INO80E: variants seen among roughly 807,000 people sequenced by gnomAD.
INO80E encodes the protein INO80 complex subunit E, also known as coiled-coil domain containing 95.
In INO80E, 20 loss-of-function variants were observed where a neutral mutation model predicts 27.3. The observed-to-expected ratio is 0.73, with a 90% CI of 0.51 to 1.06. The LOEUF (loss-of-function observed/expected upper bound fraction) is 1.06, where lower values mean the gene tolerates loss of function less well. INO80E is among the 50% of genes least tolerant of loss of function. The pLI, the probability that INO80E is intolerant of heterozygous loss-of-function variation, is 0.00. For missense variants in INO80E, 357 were observed against 322.8 expected, an observed-to-expected ratio of 1.11 and a Z score of -0.81; for synonymous variants, 167 against 145.9, an observed-to-expected ratio of 1.14 and a Z score of -1.04.
intron 6 of INO80E, chr16:30,002,576 G>A (rs2070390637): frequency 3.3e-5 from 5 of 152,498 alleles, no homozygotes; most frequent in Admixed American, 3.3e-4. Context: ...GGGAGTTCCT[G>A]GAGGACCTGG....
Position 30,005,315 on chromosome 16 carries a change from T to TCCCCCCCCCCCCCC in INO80E, c.611_612insCCCCCCCCCCCCCC (p.Lys207ProfsTer13). 1 of 302,356 alleles carries TCCCCCCCCCCCCCC rather than the reference T, an allele frequency of 3.3e-6. No homozygotes were observed. Among genetic ancestry groups the TCCCCCCCCCCCCCC allele is most frequent in the Non-Finnish European group, 4.8e-6 (1 of 210,512 alleles). 18.7% of individuals were successfully genotyped at this position (302,356 alleles called of 1,614,324 possible). A position where few individuals can be genotyped will look rare whatever the true frequency, so the allele number is the denominator to read the frequency against. On this transcript the variant is annotated frameshift_variant, in exon 7 of 7. Transcript: ENST00000563197. LOFTEE classifies it high-confidence loss of function. ...GGGGTCGGGACAACCCTGACCCCCCTCCCACCCCCTAAGATGCCCCCCCCC... is the reference window on the plus strand; with the variant it reads ...GGGGTCGGGACAACCCTGACCCCCCTCCCCCCCCCCCCCCCCCACCCCCTAAGATGCCCCCCCCC...
intron 5 of INO80E, 110 bp downstream of exon 5, chr16:30,001,150 G>A: frequency 6.8e-7 from 1 of 1,471,554 alleles, no homozygotes; most frequent in South Asian, 1.4e-5. Flanking sequence ...CATCTGTCTG[G>A]GTGTGGCCCA....
At position 30,005,596 on chromosome 16, in the gene INO80E, TC is replaced by T. The variant is rs2070550464; in HGVS notation, c.*159del. 2 of 749,482 alleles carry T rather than the reference TC, an allele frequency of 2.7e-6. No individual in the cohort carries two copies. Among genetic ancestry groups the T allele is most frequent in the East Asian group, 3.0e-5 (1 of 33,190 alleles). The allele number at this position is 749,482 out of a possible 1,614,324, so 46.4% of individuals were successfully genotyped here. On this transcript the variant is annotated 3_prime_UTR_variant, in exon 7 of 7. Coordinates refer to ENST00000563197, the MANE Select transcript of INO80E (RefSeq NM_173618.3). Reference sequence around the variant, plus strand: ...GAAAAGGCGTAAACATGCACGGGTGTCCCCCAGGAGGGTGGCAGGGGCCCTG... The same window carrying T: ...GAAAAGGCGTAAACATGCACGGGTGTCCCCAGGAGGGTGGCAGGGGCCCTG...
chr16:29,996,433 C>G (rs769386263), intron 1 of INO80E, 42 bp downstream of exon 1: 1 of 1,558,554 alleles, frequency 6.4e-7, no homozygotes, highest in Non-Finnish European at 8.7e-7. Context: ...TGAGGCCTGG[C>G]GCGGACAAGA....
chr16:30,001,278 C>G, intron 5 of INO80E, 136 bp from the exon 6 acceptor site: 1 of 1,491,798 alleles, frequency 6.7e-7, no homozygotes, highest in Non-Finnish European at 9.0e-7. Flanking sequence ...CCCGGCCCTT[C>G]TGTGCTCGGG....
chr16:29,996,694 C>G (rs563768061), intron 2 of INO80E, 77 bp downstream of exon 2: 46 of 1,585,862 alleles, frequency 2.9e-5, no homozygotes, highest in Middle Eastern at 3.3e-4. Flanking sequence ...CGAGTAGGGC[C>G]ACAAGTGCAT....
In INO80E at chr16:30,000,917, T is replaced by C; in HGVS notation, c.285-12T>C. On this transcript the variant is annotated splice_polypyrimidine_tract_variant and intron_variant, in intron 4 of 6. Coordinates refer to ENST00000563197, the MANE Select transcript of INO80E (RefSeq NM_173618.3). ...CCTAGCCACATCTGACCTCGCCCTG[T>C]CCTTTCTCCAGGAAGAGAAGCCCTC... 6.2e-7 allele frequency: 1 copy of C among 1,606,004 alleles called. No individual in the cohort carries two copies. Among genetic ancestry groups the C allele is most frequent in the Non-Finnish European group, 8.5e-7 (1 of 1,173,930 alleles).
intron 3 of INO80E, among the ~76,000 whole-genome samples, chr16:29,998,721 C>T (rs1275408226): frequency 2.0e-5 from 3 of 152,228 alleles, no homozygotes; most frequent in East Asian, 1.9e-4. Context: ...AGCCATGTCA[C>T]GTAGAATCAC....
chr16:29,996,952 TG>T, intron 3 of INO80E, 92 bp downstream of exon 3: 10 of 1,226,218 alleles, frequency 8.2e-6, no homozygotes, highest in Non-Finnish European at 1.2e-5. Flanking sequence ...TGGTGGCTGA[TG>T]CAGCCCCCAG....
rs2070519477 is a variant in INO80E, at chr16:30,005,212, C to T, written c.514-9C>T. The T allele has an allele frequency of 1.4e-6, 2 of 1,444,374 alleles. No individual in the cohort carries two copies. The highest frequency in any genetic ancestry group is 1.8e-6 in the Non-Finnish European group (2 of 1,102,722). The allele number at this position is 1,444,374 out of a possible 1,614,324, so 89.5% of individuals were successfully genotyped here. A position where few individuals can be genotyped will look rare whatever the true frequency, so the allele number is the denominator to read the frequency against. On this transcript the variant is annotated splice_polypyrimidine_tract_variant and intron_variant, in intron 6 of 6. Coordinates refer to ENST00000563197, the MANE Select transcript of INO80E (RefSeq NM_173618.3). ...ACTAGTCCCCCTGTGTTTCTTCCCC[C>T]TGCTGCAGATGGCGGTGGGACCCCC...
Position 29,997,885 on chromosome 16 carries a change from C to G in INO80E, c.205+1025C>G, listed in dbSNP as rs1023562362. Reference sequence around the variant, plus strand: ...AGTTGGGACCAGAGAAGAAACCAGCCTTCCATCCTGGGCAACATAGTGAGA... The same window carrying G: ...AGTTGGGACCAGAGAAGAAACCAGCGTTCCATCCTGGGCAACATAGTGAGA... On this transcript the variant is annotated intron_variant, in intron 3 of 6. Transcript: ENST00000563197. 1.8e-4 allele frequency among the ~76,000 whole-genome samples: 28 copies of G among 152,004 alleles called. 1 individual carries two copies. Among genetic ancestry groups the G allele is most frequent in the Admixed American group, 1.2e-3 (19 of 15,260 alleles).
In INO80E at chr16:30,005,784, G is replaced by A; in HGVS notation, c.*342G>A. On this transcript the variant is annotated 3_prime_UTR_variant, in exon 7 of 7. Transcript: ENST00000563197. ...ATGAAGTTTCTGTATTAAAGGAGTG[G>A]CTCTGGGTTTGTTTTTTGTCCTTTT... The A allele has an allele frequency of 2.1e-6, 1 of 465,728 alleles. No homozygotes were observed. Among genetic ancestry groups the A allele is most frequent in the South Asian group, 2.6e-5 (1 of 38,202 alleles). The allele number at this position is 465,728 out of a possible 1,614,324, so 28.8% of individuals were successfully genotyped here. A position where few individuals can be genotyped will look rare whatever the true frequency, so the allele number is the denominator to read the frequency against.
In INO80E at chr16:29,996,855, C is replaced by A; in HGVS notation, c.200C>A (p.Ser67Tyr). ...CAGTACGAGAACGTGGATGAAGACTCTTCGGGTGAGCAAGGTCTTCAAAAA... is the reference window on the plus strand; with the variant it reads ...CAGTACGAGAACGTGGATGAAGACTATTCGGGTGAGCAAGGTCTTCAAAAA... ...LLQYENVDED[S>Y]SDSDATASSD... The change falls in exon 3 of 7, where the codon TCT (serine) becomes TAT (tyrosine). Residue 67 changes from serine to tyrosine, a missense_variant. Transcript: ENST00000563197. 6.2e-7 allele frequency: 1 copy of A among 1,614,126 alleles called. No homozygotes were observed. Among genetic ancestry groups the A allele is most frequent in the Non-Finnish European group, 8.5e-7 (1 of 1,179,956 alleles).
Position 29,996,555 on chromosome 16 carries a change from G to A in INO80E, c.90G>A (p.Glu30=), listed in dbSNP as rs1449629061. 2 of 1,566,108 alleles carry A rather than the reference G, an allele frequency of 1.3e-6. No homozygotes were observed. Among genetic ancestry groups the A allele is most frequent in the Non-Finnish European group, 1.7e-6 (2 of 1,155,442 alleles). Residue 30 remains glutamate (E), a synonymous_variant, in exon 2 of 7, where the codon GAG becomes GAA. Coordinates refer to ENST00000563197, the MANE Select transcript of INO80E (RefSeq NM_173618.3). ...RKLKFLIYEH[E]CFQEELRKAQ... is the part of the protein sequence containing the mutation. ...CCTTGCCCGTGATACAGGAGCACGA[G>A]TGCTTCCAGGAGGAGCTGAGGAAAG...
At chr16:29,998,643 G>C (rs535820582) in intron 3 of INO80E, among the ~76,000 whole-genome samples, 20 of 152,220 alleles carry the variant, frequency 1.3e-4, no homozygotes, top group African/African-American at 4.8e-4. Context: ...CTAATGGCTT[G>C]AGACCCACAG....
At chr16:30,004,811 C>T (rs1199461645) in intron 6 of INO80E, among the ~76,000 whole-genome samples, 1 of 152,164 alleles carries the variant, frequency 6.6e-6, no homozygotes, top group Non-Finnish European at 1.5e-5. Flanking sequence ...CCAGTGAGTG[C>T]CGCAGAAGAG....
In INO80E at chr16:29,996,966, G is replaced by A; in HGVS notation, c.205+106G>A. 4.7e-6 allele frequency: 5 copies of A among 1,064,184 alleles called. No individual in the cohort carries two copies. In the South Asian group the frequency reaches 6.4e-5, roughly 14 times the overall value. The allele number at this position is 1,064,184 out of a possible 1,614,324, so 65.9% of individuals were successfully genotyped here. A position where few individuals can be genotyped will look rare whatever the true frequency, so the allele number is the denominator to read the frequency against. The stretch of plus-strand genomic sequence containing the variant: ...GTGGTGGCTGATGCAGCCCCCAGTG[G>A]TCCTTAAGCCTAGTTGCTTGCCTTC... On this transcript the variant is annotated intron_variant, in intron 3 of 6. Transcript: ENST00000563197.
chr16:30,001,083 G>A (rs1364805233), intron 5 of INO80E, 43 bp downstream of exon 5: 2 of 1,506,186 alleles, frequency 1.3e-6, no homozygotes, highest in East Asian at 2.3e-5. Flanking sequence ...GAGTAAGGTG[G>A]GCGTCATTTG....
chr16:29,999,584 G>A (rs1338013284), intron 3 of INO80E: 1 of 152,252 alleles, frequency 6.6e-6, no homozygotes, highest in Non-Finnish European at 1.5e-5. Flanking sequence ...TCTGAGCAGA[G>A]ACATTGGTAA....
Sources: allele counts gnomAD v4.1 joint callset (sites outside exome capture counted in the v4.1 genomes callset), GRCh38; gene constraint gnomAD v4.1.1; transcripts MANE v1.5; gene names NCBI Gene and HGNC (gene_info 2026-07-23, HGNC 2026-07-21).